Variants in SPATA16 observed in about 807,000 individuals in gnomAD.
SPATA16 encodes spermatogenesis-associated protein 16.
Under a neutral mutation model 63.3 loss-of-function variants are expected in SPATA16, and 36 were observed. The observed-to-expected ratio is 0.57, with a 90% CI of 0.44 to 0.75. The LOEUF (loss-of-function observed/expected upper bound fraction) is 0.75. Among genes scored for constraint, SPATA16 ranks in the 30% least tolerant of loss-of-function variants. The pLI, the probability that SPATA16 is intolerant of heterozygous loss-of-function variation, is 0.00. For missense variants in SPATA16, 646 were observed against 679.3 expected (o/e 0.95, Z 0.54); for synonymous variants, 203 against 216.7 (o/e 0.94, Z 0.56).
chr3:173,085,791 A>C (rs558209912), intron 2 of SPATA16, among the ~76,000 whole-genome samples: 1 of 152,036 alleles, frequency 6.6e-6, no homozygotes, highest in South Asian at 2.1e-4. Flanking sequence ...TTTTGTCTTT[A>C]GTTCTGTTTA....
At chr3:173,098,401 G>A (rs1274159459) in intron 2 of SPATA16, among the ~76,000 whole-genome samples, 1 of 152,148 alleles carries the variant, frequency 6.6e-6, no homozygotes, top group Non-Finnish European at 1.5e-5. Flanking sequence ...ATGTCATGCT[G>A]TAAATCATTC....
chr3:172,900,736 A>G (rs12631304), intron 10 of SPATA16, among the ~76,000 whole-genome samples: 14,284 of 151,206 alleles, frequency 0.094, 747 homozygotes, highest in African/African-American at 0.13. Context: ...CGCCTCCCGG[A>G]TTCAAGTGAT....
intron 2 of SPATA16, among the ~76,000 whole-genome samples, chr3:173,087,263 C>CATT (rs1737082429): frequency 6.6e-6 from 1 of 152,116 alleles, no homozygotes; most frequent in Non-Finnish European, 1.5e-5. Context: ...GAATTGAGCC[C>CATT]ATTACATTAA....
At chr3:173,040,711 G>A (rs705040) in intron 3 of SPATA16, among the ~76,000 whole-genome samples, 41,650 of 151,994 alleles carry the variant, frequency 0.27, 7,862 homozygotes, top group African/African-American at 0.54. Context: ...TTGGAGGAAG[G>A]ATAATGACCG....
Position 172,973,315 on chromosome 3 carries a change from A to G in SPATA16, c.933+3653T>C, listed in dbSNP as rs1489003420. Among the ~76,000 whole-genome samples the G allele has an allele frequency of 1.2e-3, 181 of 152,282 alleles. 2 individuals are homozygous for G. Among genetic ancestry groups the G allele is most frequent in the Non-Finnish European group, 1.8e-4 (12 of 68,012 alleles). ...GTTCTAGGTGGATGCTTGTAAATGA[A>G]TTAGATTCTCAGAGGGGTCTATAGC... On this transcript the variant is annotated intron_variant, in intron 5 of 10. Transcript: ENST00000351008.
chr3:172,892,209 T>C (rs1983003), intron 10 of SPATA16, among the ~76,000 whole-genome samples: 68,554 of 152,092 alleles, frequency 0.45, 17,951 homozygotes, highest in South Asian at 0.67. Context: ...GTCTTGCCTG[T>C]GTACTTGAAA....
chr3:173,089,529 G>C (rs893491714), intron 2 of SPATA16, among the ~76,000 whole-genome samples: 1 of 152,128 alleles, frequency 6.6e-6, no homozygotes, highest in African/African-American at 2.4e-5. Context: ...GTGAAGATAC[G>C]GATAAGGGCC....
At chr3:172,992,661 T>C (rs972782520) in intron 4 of SPATA16, among the ~76,000 whole-genome samples, 4 of 151,870 alleles carry the variant, frequency 2.6e-5, no homozygotes, top group African/African-American at 9.7e-5. Context: ...TAGAAGGGAG[T>C]TGATGGTGAC....
At chr3:173,122,896 T>C (rs1738118791) in intron 1 of SPATA16, among the ~76,000 whole-genome samples, 1 of 152,226 alleles carries the variant, frequency 6.6e-6, no homozygotes, top group South Asian at 2.1e-4. Context: ...AGACCCTCAA[T>C]GTACATTTGT....
chr3:173,091,716 A>G (rs1737226411), intron 2 of SPATA16, among the ~76,000 whole-genome samples: 1 of 152,204 alleles, frequency 6.6e-6, no homozygotes, highest in African/African-American at 2.4e-5. Flanking sequence ...GAAAAATGGT[A>G]TTTGAAGAGA....
chr3:172,981,849 G>A (rs539916638), intron 4 of SPATA16, among the ~76,000 whole-genome samples: 2 of 152,118 alleles, frequency 1.3e-5, no homozygotes, highest in Non-Finnish European at 2.9e-5. Context: ...ACGTGTTAAC[G>A]GAACACAGCA....
Position 172,979,807 on chromosome 3 carries a change from C to G in SPATA16, c.849-2755G>C, listed in dbSNP as rs114389530. 6.2e-3 allele frequency among the ~76,000 whole-genome samples: 945 copies of G among 152,150 alleles called. 4 individuals carry two copies. The highest frequency in any genetic ancestry group is 0.02 in the Middle Eastern group (6 of 294). On this transcript the variant is annotated intron_variant, in intron 4 of 10. Transcript: ENST00000351008. ...AAGATGCATTGAAATTCCTTACCTG[C>G]CATACCTCAGTGAAGCATAAGTATT...
chr3:172,975,676 G>T (rs1427164237), intron 5 of SPATA16, among the ~76,000 whole-genome samples: 3 of 151,850 alleles, frequency 2.0e-5, no homozygotes, highest in African/African-American at 7.3e-5. Context: ...GGTTGTTTTG[G>T]GTTTAAAGGT....
chr3:173,099,779 G>A (rs1194231471), intron 2 of SPATA16, among the ~76,000 whole-genome samples: 1 of 152,166 alleles, frequency 6.6e-6, no homozygotes, highest in African/African-American at 2.4e-5. Flanking sequence ...TGATTGACCC[G>A]AGAATCCCAC....
intron 4 of SPATA16, among the ~76,000 whole-genome samples, chr3:173,010,806 C>A (rs1735054455): frequency 6.6e-6 from 1 of 152,058 alleles, no homozygotes; most frequent in Non-Finnish European, 1.5e-5. Flanking sequence ...ACCACCTAAG[C>A]AACTCTGCTT....
chr3:173,037,603 A>G (rs996555651), intron 3 of SPATA16, among the ~76,000 whole-genome samples: 3 of 152,102 alleles, frequency 2.0e-5, no homozygotes, highest in African/African-American at 7.2e-5. Context: ...GAGCCAGGAA[A>G]GGTACATGGT....
chr3:173,022,349 G>A (rs1321648453), intron 3 of SPATA16, among the ~76,000 whole-genome samples: 1 of 152,090 alleles, frequency 6.6e-6, no homozygotes, highest in Admixed American at 6.6e-5. Flanking sequence ...AAGAGGGACC[G>A]AAGGAAGACA....
At chr3:173,033,907 G>A (rs550463275) in intron 3 of SPATA16, among the ~76,000 whole-genome samples, 14 of 152,162 alleles carry the variant, frequency 9.2e-5, no homozygotes, top group African/African-American at 3.4e-4. Context: ...GTTTCACTAT[G>A]TTGGCCAGGC....
chr3:172,992,167 T>C (rs1260218562), intron 4 of SPATA16, among the ~76,000 whole-genome samples: 1 of 151,790 alleles, frequency 6.6e-6, no homozygotes, highest in African/African-American at 2.4e-5. Context: ...AGGCAGATGA[T>C]GCTCTTTTTT....
Sources: allele counts gnomAD v4.1 joint callset (sites outside exome capture counted in the v4.1 genomes callset), GRCh38; gene constraint gnomAD v4.1.1; transcripts MANE v1.5; gene names NCBI Gene and HGNC (gene_info 2026-07-23, HGNC 2026-07-21).